The following DOCK5 variants were observed in gnomAD, a reference collection of about 807,000 sequenced individuals.
DOCK5 encodes the protein dedicator of cytokinesis protein 5.
A neutral mutation model predicts 251.8 loss-of-function variants in DOCK5; 142 were observed. That is an observed-to-expected ratio of 0.56 (90% CI 0.49 to 0.65). The LOEUF (loss-of-function observed/expected upper bound fraction) is 0.65. Ranked by LOEUF, DOCK5 falls within the 30% of genes least tolerant of loss-of-function variation. DOCK5 has a pLI of 0.00. For synonymous variants in DOCK5, 842 were observed against 835.5 expected (o/e 1.01, Z -0.13); for missense variants, 2,111 against 2,312.3 (o/e 0.91, Z 1.79).
intron 1 of DOCK5, among the ~76,000 whole-genome samples, chr8:25,217,513 T>C (rs1802279716): frequency 6.6e-6 from 1 of 152,170 alleles, no homozygotes; most frequent in South Asian, 2.1e-4. Context: ...CTGTGCCAGC[T>C]GATACCAGCA....
At chr8:25,398,037 A>G (rs933386063) in intron 45 of DOCK5, among the ~76,000 whole-genome samples, 7 of 152,198 alleles carry the variant, frequency 4.6e-5, no homozygotes, top group South Asian at 2.1e-4. Flanking sequence ...TAGGTAAACT[A>G]TTCTAATCCA....
chr8:25,379,316 C>T (rs1324270587), intron 38 of DOCK5, among the ~76,000 whole-genome samples: 1 of 144,112 alleles, frequency 6.9e-6, no homozygotes, highest in African/African-American at 2.7e-5. Context: ...TTATAGACCT[C>T]CCCCCAAGGA....
intron 27 of DOCK5, among the ~76,000 whole-genome samples, chr8:25,357,423 G>C (rs1800596798): frequency 7.2e-6 from 1 of 138,104 alleles, no homozygotes. Flanking sequence ...CTGTCACCCA[G>C]GCTGGAGTGC....
intron 1 of DOCK5, among the ~76,000 whole-genome samples, chr8:25,202,616 A>G (rs1257258192): frequency 6.6e-6 from 1 of 152,172 alleles, no homozygotes; most frequent in Non-Finnish European, 1.5e-5. Context: ...TGAGGATCAC[A>G]CAGTAGTCCC....
At chr8:25,311,639 A>G (rs775081642) in intron 13 of DOCK5, among the ~76,000 whole-genome samples, 12 of 151,588 alleles carry the variant, frequency 7.9e-5, no homozygotes, top group Admixed American at 1.3e-4. Flanking sequence ...AGGTTATTTT[A>G]GGCCAGGCAT....
chr8:25,402,392 G>A (rs1801454104), intron 47 of DOCK5, among the ~76,000 whole-genome samples: 1 of 152,146 alleles, frequency 6.6e-6, no homozygotes, highest in African/African-American at 2.4e-5. Flanking sequence ...TGCCTCCCAG[G>A]TTCACACCAT....
Position 25,381,328 on chromosome 8 carries a change from T to G in DOCK5, c.4026+934T>G, listed in dbSNP as rs932377824. On this transcript the variant is annotated intron_variant, in intron 39 of 51. Transcript: ENST00000276440. ...CTTCACATGCAAAAAACTGACTTATTAATTTCATCAACTGGGCTGGGCACG... is the reference window on the plus strand; with the variant it reads ...CTTCACATGCAAAAAACTGACTTATGAATTTCATCAACTGGGCTGGGCACG... Among the ~76,000 whole-genome samples the G allele has an allele frequency of 6.5e-4, 99 of 152,256 alleles. 1 individual carries two copies. Among genetic ancestry groups the G allele is most frequent in the Admixed American group, 1.3e-3 (20 of 15,288 alleles).
intron 1 of DOCK5, among the ~76,000 whole-genome samples, chr8:25,195,248 T>C (rs61676761): frequency 0.14 from 20,096 of 143,582 alleles, 2,294 homozygotes; most frequent in African/African-American, 0.32. Context: ...GGACTCCTTA[T>C]CACTTTTTTT....
intron 18 of DOCK5, among the ~76,000 whole-genome samples, chr8:25,326,743 A>C (rs1426566797): frequency 6.6e-6 from 1 of 152,194 alleles, no homozygotes; most frequent in Non-Finnish European, 1.5e-5. Context: ...TTAAGTAAAC[A>C]ATGAGAGATG....
intron 37 of DOCK5, chr8:25,376,227 T>C: frequency 1.1e-5 from 11 of 985,334 alleles, no homozygotes; most frequent in Non-Finnish European, 1.3e-5. Flanking sequence ...GTCTTTTCAT[T>C]TGGGAAACTC....
rs1018513901 is a variant in DOCK5, at chr8:25,308,900, A to G, written c.1167A>G (p.Ala389=). 7 of 1,613,814 alleles carry G rather than the reference A, an allele frequency of 4.3e-6. No individual in the cohort carries two copies. The highest frequency in any genetic ancestry group is 5.9e-6 in the Non-Finnish European group (7 of 1,179,738). Residue 389 remains alanine (A), a synonymous_variant, in exon 12 of 52, where the codon GCA becomes GCG. Coordinates refer to ENST00000276440, the MANE Select transcript of DOCK5 (RefSeq NM_024940.8). The part of the protein sequence containing the change: ...LTSVLNKVIA[A]KEVNHKGQGL... ...CAGTCTTGAATAAAGTGATTGCAGC[A>G]AAGGAAGTGAATCACAAAGGGCAAG...
At chr8:25,329,784 G>A (rs1184338384) in intron 18 of DOCK5, among the ~76,000 whole-genome samples, 1 of 151,958 alleles carries the variant, frequency 6.6e-6, no homozygotes, top group Non-Finnish European at 1.5e-5. Context: ...GCAGCAGAGT[G>A]GATAAACAAA....
At chr8:25,206,799 T>C (rs1006121831) in intron 1 of DOCK5, among the ~76,000 whole-genome samples, 5 of 152,210 alleles carry the variant, frequency 3.3e-5, no homozygotes, top group African/African-American at 1.2e-4. Context: ...GAAATACCAA[T>C]ATGTTTTGCC....
chr8:25,272,856 C>T (rs1028624283), intron 3 of DOCK5, among the ~76,000 whole-genome samples: 4 of 152,150 alleles, frequency 2.6e-5, no homozygotes, highest in African/African-American at 7.2e-5. Context: ...TAGATACTAA[C>T]TTCCTATTGT....
At chr8:25,205,793 T>A (rs769802654) in intron 1 of DOCK5, among the ~76,000 whole-genome samples, 1 of 152,174 alleles carries the variant, frequency 6.6e-6, no homozygotes, top group Non-Finnish European at 1.5e-5. Context: ...AATGCTGTGT[T>A]CATCTTCACC....
chr8:25,334,378 G>T (rs1044852976), intron 21 of DOCK5, among the ~76,000 whole-genome samples, 182 bp downstream of exon 21: 1 of 152,158 alleles, frequency 6.6e-6, no homozygotes, highest in Non-Finnish European at 1.5e-5. Context: ...ACTCTGGAAA[G>T]GGGGCTAAGA....
intron 42 of DOCK5, among the ~76,000 whole-genome samples, chr8:25,390,897 C>T (rs1056055154): frequency 4.0e-5 from 6 of 151,872 alleles, no homozygotes; most frequent in African/African-American, 1.5e-4. Flanking sequence ...CAACTTCTGC[C>T]TCCCAAGTTC....
At chr8:25,345,118 G>C (rs57517570) in intron 25 of DOCK5, among the ~76,000 whole-genome samples, 17,683 of 151,986 alleles carry the variant, frequency 0.12, 1,177 homozygotes, top group East Asian at 0.18. Context: ...AAAAAAAAAT[G>C]TATAACTTGC....
chr8:25,406,203 C>T (rs572668091), intron 48 of DOCK5, among the ~76,000 whole-genome samples: 8 of 152,080 alleles, frequency 5.3e-5, no homozygotes, highest in Non-Finnish European at 1.2e-4. Flanking sequence ...CGTGATTCGC[C>T]CGCCTCAGCT....
Sources: allele counts gnomAD v4.1 joint callset (sites outside exome capture counted in the v4.1 genomes callset), GRCh38; gene constraint gnomAD v4.1.1; transcripts MANE v1.5; gene names NCBI Gene and HGNC (gene_info 2026-07-23, HGNC 2026-07-21).